AKAP13: variants seen among roughly 807,000 people sequenced by gnomAD.
AKAP13 encodes the protein A-kinase anchoring protein 13, also known as A-kinase anchor protein 13.
AKAP13 carries 80 observed loss-of-function variants against 264.5 expected under a neutral mutation model. The observed-to-expected ratio is 0.30, with a 90% CI of 0.25 to 0.36. The LOEUF is 0.36. Ranked by LOEUF, AKAP13 falls within the 10% of genes least tolerant of loss-of-function variation. AKAP13 has a pLI of 1.00. For synonymous variants in AKAP13, 1,380 were observed against 1,250.2 expected (o/e 1.10, Z -2.19); for missense variants, 3,712 against 3,435.2 (o/e 1.08, Z -2.01).
Position 85,727,612 on chromosome 15 carries a change from A to G in AKAP13, c.7087+149A>G. The G allele has an allele frequency of 1.3e-6, 1 of 777,968 alleles. No homozygotes were observed. Among genetic ancestry groups the G allele is most frequent in the East Asian group, 2.7e-5 (1 of 37,270 alleles). 48.2% of individuals were successfully genotyped at this position (777,968 alleles called of 1,614,324 possible). ...AGCAGCAAAATGAATAGCTGTTAAC[A>G]AAAGAGAAACCAAGGCCAGGCTGAC... On this transcript the variant is annotated intron_variant, in intron 29 of 36. Transcript: ENST00000394518. This position sits in a 1 kb window ranked among gnomAD's most constrained non-coding sequence, Gnocchi z 5.3.
intron 1 of AKAP13, among the ~76,000 whole-genome samples, chr15:85,381,520 G>GGTTTTT (rs1567029535): frequency 2.2e-5 from 1 of 44,768 alleles, no homozygotes; most frequent in African/African-American, 7.4e-5. Flanking sequence ...ACGGTTTACT[G>GGTTTTT]CTTTTTTTTT....
chr15:85,722,984 A>G (rs2087389810), intron 25 of AKAP13, 88 bp from the exon 26 acceptor site: 2 of 1,512,244 alleles, frequency 1.3e-6, no homozygotes, highest in East Asian at 2.3e-5. Flanking sequence ...AAGGGAAAAG[A>G]TGATATGGAG....
chr15:85,521,693 T>C (rs2076829376), intron 3 of AKAP13, 118 bp downstream of exon 3: 3 of 1,163,762 alleles, frequency 2.6e-6, no homozygotes, highest in Non-Finnish European at 3.4e-6. Flanking sequence ...AAAAATTTAT[T>C]AGTTTATAAA....
At chr15:85,567,544 T>C (rs747848191) in intron 5 of AKAP13, among the ~76,000 whole-genome samples, 15 of 152,202 alleles carry the variant, frequency 9.9e-5, no homozygotes, top group Non-Finnish European at 1.6e-4. Context: ...ACAAGCTGTG[T>C]GCATGTGCTT....
intron 19 of AKAP13, among the ~76,000 whole-genome samples, chr15:85,714,078 C>T (rs1417291262): frequency 6.6e-6 from 1 of 152,166 alleles, no homozygotes; most frequent in African/African-American, 2.4e-5. Context: ...TACTAATAGC[C>T]TACTGTTGAC....
At chr15:85,712,551 T>G (rs1181415411) in intron 19 of AKAP13, among the ~76,000 whole-genome samples, 1 of 152,178 alleles carries the variant, frequency 6.6e-6, no homozygotes, top group Non-Finnish European at 1.5e-5. Context: ...GTATTTTTTT[T>G]TTTTTCCTTG....
intron 30 of AKAP13, among the ~76,000 whole-genome samples, chr15:85,734,637 T>A (rs1408841495): frequency 2.0e-5 from 3 of 152,240 alleles, no homozygotes; most frequent in Admixed American, 2.0e-4. Context: ...TCCTGACTGT[T>A]TTACTTGCTG....
intron 1 of AKAP13, among the ~76,000 whole-genome samples, chr15:85,436,471 T>C (rs1312162329): frequency 5.5e-5 from 8 of 146,026 alleles, no homozygotes; most frequent in East Asian, 4.1e-4. Context: ...GCGGACCTAA[T>C]AGACATCTAC....
chr15:85,740,729 CACACACACAACCCACCCACCCACACAG>C (rs780277062), intron 34 of AKAP13, among the ~76,000 whole-genome samples: 6,875 of 144,744 alleles, frequency 0.047, 204 homozygotes, highest in African/African-American at 0.051. Flanking sequence ...TTCCAACACA[CACACACACAACCCACCCACCCACACAG>C]ACACACACAC....
intron 8 of AKAP13, among the ~76,000 whole-genome samples, chr15:85,626,285 G>A (rs1052751464): frequency 1.3e-5 from 2 of 152,152 alleles, no homozygotes; most frequent in Non-Finnish European, 2.9e-5. Flanking sequence ...CCATTTTTAG[G>A]TATATAGTTC....
intron 3 of AKAP13, 121 bp downstream of exon 3, chr15:85,521,696 T>C: frequency 8.8e-7 from 1 of 1,130,820 alleles, no homozygotes; most frequent in South Asian, 2.3e-5. Flanking sequence ...AATTTATTAG[T>C]TTATAAAGCA....
chr15:85,518,503 CTT>C (rs936635081), intron 2 of AKAP13, among the ~76,000 whole-genome samples: 16 of 152,230 alleles, frequency 1.1e-4, no homozygotes, highest in African/African-American at 3.9e-4. Flanking sequence ...GGTAGTGTGA[CTT>C]AATATTAAAA....
Sources: gnomAD v4.1 joint callset for allele counts (sites outside exome capture counted in the v4.1 genomes callset) on GRCh38, gnomAD v4.1.1 for gene constraint, Gnocchi (gnomAD v3.1) non-coding constraint, MANE v1.5 for transcripts, NCBI Gene and HGNC (gene_info 2026-07-23, HGNC 2026-07-21) for gene names.